The following SRL variants were observed in gnomAD, a reference collection of about 807,000 sequenced individuals.
The protein encoded by SRL is sarcalumenin.
In SRL, 23 loss-of-function variants were observed where a neutral mutation model predicts 39.5. That is an observed-to-expected ratio of 0.58 (90% CI 0.42 to 0.82). SRL has a LOEUF of 0.82. Ranked by LOEUF, SRL falls within the 40% of genes least tolerant of loss-of-function variation. SRL has a pLI of 0.00. For missense variants in SRL, 592 were observed against 607.8 expected (o/e 0.97, Z 0.27); for synonymous variants, 272 against 237.4 (o/e 1.15, Z -1.34).
chr16:4,237,643 A>G (rs540833374), intron 1 of SRL, among the ~76,000 whole-genome samples: 1 of 149,584 alleles, frequency 6.7e-6, no homozygotes, highest in East Asian at 2.0e-4. Flanking sequence ...CCGCCACCCC[A>G]CTTCCATCTG....
intron 1 of SRL, among the ~76,000 whole-genome samples, chr16:4,233,681 C>T (rs2052682950): frequency 6.6e-6 from 1 of 152,120 alleles, no homozygotes; most frequent in Non-Finnish European, 1.5e-5. Context: ...CAGGACCTCA[C>T]AGGGCTGACA....
At chr16:4,225,950 T>C (rs2052583244) in intron 1 of SRL, among the ~76,000 whole-genome samples, 1 of 152,088 alleles carries the variant, frequency 6.6e-6, no homozygotes, top group South Asian at 2.1e-4. Flanking sequence ...GTCCACTGTG[T>C]CCAGCCACTC....
intron 1 of SRL, among the ~76,000 whole-genome samples, chr16:4,237,804 G>T (rs1178358833): frequency 1.7e-4 from 26 of 151,926 alleles, no homozygotes. Flanking sequence ...TTTCTTCAAG[G>T]CCCAGCTCAA....
chr16:4,204,384 A>C, intron 2 of SRL, 149 bp downstream of exon 2: 1 of 131,122 alleles, frequency 7.6e-6, no homozygotes. Flanking sequence ...CTCTTCCCCA[A>C]CGTCCCCTCC....
chr16:4,219,783 C>T lies in SRL; in HGVS notation c.62-15149G>A, dbSNP rs569612061. Among the ~76,000 whole-genome samples, 6 of 152,056 alleles carry T rather than the reference C, an allele frequency of 3.9e-5. No individual in the cohort carries two copies. The South Asian group carries it at 1.2e-3, about 32-fold the overall frequency. On this transcript the variant is annotated intron_variant, in intron 1 of 5. Coordinates refer to ENST00000399609, the MANE Select transcript of SRL (RefSeq NM_001098814.2). Reference sequence around the variant, plus strand: ...GCCTGTATGGAGATTTTAGGAAGGACCCAGGGTGAGGGTTAGCTCCCTGCA... The same window carrying T: ...GCCTGTATGGAGATTTTAGGAAGGATCCAGGGTGAGGGTTAGCTCCCTGCA...
rs371874777 is a variant in SRL, at chr16:4,192,233, G to A, written c.1342C>T (p.Leu448Phe). Residue 448 changes from leucine to phenylalanine, a missense_variant, in exon 6 of 6, where the codon CTC becomes TTC. By Grantham distance (22) the Leu-to-Phe change is conservative (BLOSUM62 0). Coordinates refer to ENST00000399609, the MANE Select transcript of SRL (RefSeq NM_001098814.2). This position sits in a 1 kb window ranked among gnomAD's most constrained non-coding sequence, Gnocchi z 4.0. ...ELPGLLGSLG[L>F]GKNPGALNCD... ...TTGAGAGCACCTGGATTCTTCCCGAGCCCGAGGCTACCCAGGAGGCCCGGA... is the reference window on the plus strand; with the variant it reads ...TTGAGAGCACCTGGATTCTTCCCGAACCCGAGGCTACCCAGGAGGCCCGGA... The A allele has an allele frequency of 1.8e-5, 29 of 1,610,864 alleles. No individual in the cohort carries two copies. Among genetic ancestry groups the A allele is most frequent in the Non-Finnish European group, 2.4e-5 (28 of 1,178,868 alleles).
rs1364112792 is a variant in SRL at position 4,221,047 on chromosome 16, T to G, written c.62-16413A>C. Among the ~76,000 whole-genome samples, 3 of 144,764 alleles carry G rather than the reference T, an allele frequency of 2.1e-5. 1 individual carries two copies. Among genetic ancestry groups the G allele is most frequent in the Non-Finnish European group, 3.1e-5 (2 of 64,550 alleles). 95.0% of individuals were successfully genotyped at this position (144,764 alleles called of 152,430 possible). ...CTCATCGCCTGGGACCATGGGCTAT[T>G]CCATTATTTTTTTTTTTTCGATACG... On this transcript the variant is annotated intron_variant, in intron 1 of 5. Coordinates refer to ENST00000399609, the MANE Select transcript of SRL (RefSeq NM_001098814.2).
intron 1 of SRL, among the ~76,000 whole-genome samples, chr16:4,210,515 G>A (rs2052380309): frequency 3.2e-5 from 3 of 92,792 alleles, no homozygotes; most frequent in South Asian, 3.6e-4. Flanking sequence ...TTTGAGACAA[G>A]GTCTCACTCT....
At chr16:4,219,581 T>C (rs1389981801) in intron 1 of SRL, among the ~76,000 whole-genome samples, 3 of 152,116 alleles carry the variant, frequency 2.0e-5, no homozygotes, top group Non-Finnish European at 2.9e-5. Flanking sequence ...CCTCAGCCTG[T>C]TGAGTAGCTG....
chr16:4,203,928 C>T (rs1195863880), intron 2 of SRL, among the ~76,000 whole-genome samples: 3 of 152,216 alleles, frequency 2.0e-5, no homozygotes, highest in Non-Finnish European at 2.9e-5. Context: ...CCAGACACTC[C>T]CCGGAGGGGT....
chr16:4,217,399 G>A (rs1326659875), intron 1 of SRL, among the ~76,000 whole-genome samples: 4 of 152,272 alleles, frequency 2.6e-5, no homozygotes, highest in South Asian at 4.1e-4. Flanking sequence ...CTACAGGCAC[G>A]CGCCACCATG....
Position 4,190,654 on chromosome 16 carries a change from C to T in SRL, c.*1499G>A. The T allele has an allele frequency of 2.5e-6, 1 of 396,582 alleles. No individual in the cohort carries two copies. Among genetic ancestry groups the T allele is most frequent in the Non-Finnish European group, 4.4e-6 (1 of 225,118 alleles). The allele number at this position is 396,582 out of a possible 1,614,324, so 24.6% of individuals were successfully genotyped here. ...TAATCTCTCTTGGACAACATACACACATATTCACACTTATTGGTATTGAAG... is the reference window on the plus strand; with the variant it reads ...TAATCTCTCTTGGACAACATACACATATATTCACACTTATTGGTATTGAAG... On this transcript the variant is annotated 3_prime_UTR_variant, in exon 6 of 6. Transcript: ENST00000399609.
Position 4,190,647 on chromosome 16 carries a change from A to G in SRL, c.*1506T>C, listed in dbSNP as rs2052049350. ...ATCTCCCTAATCTCTCTTGGACAAC[A>G]TACACACATATTCACACTTATTGGT... On this transcript the variant is annotated 3_prime_UTR_variant, in exon 6 of 6. Coordinates refer to ENST00000399609, the MANE Select transcript of SRL (RefSeq NM_001098814.2). 1 of 396,798 alleles carries G rather than the reference A, an allele frequency of 2.5e-6. No individual in the cohort carries two copies. The highest frequency in any genetic ancestry group is 1.4e-4 in the South Asian group (1 of 7,012). The allele number at this position is 396,798 out of a possible 1,614,324, so 24.6% of individuals were successfully genotyped here.
intron 1 of SRL, among the ~76,000 whole-genome samples, chr16:4,223,253 A>G (rs1283482139): frequency 1.3e-5 from 2 of 151,668 alleles, no homozygotes; most frequent in African/African-American, 2.4e-5. Context: ...AAAAAAAGCA[A>G]AAAAGCAATT....
intron 1 of SRL, among the ~76,000 whole-genome samples, chr16:4,212,363 G>A (rs2052403763): frequency 6.6e-6 from 1 of 152,154 alleles, no homozygotes; most frequent in Non-Finnish European, 1.5e-5. Flanking sequence ...TGTGCCACTG[G>A]ACCCAGTTCT....
intron 1 of SRL, among the ~76,000 whole-genome samples, chr16:4,209,584 C>G (rs976070962): frequency 6.6e-6 from 1 of 152,176 alleles, no homozygotes; most frequent in African/African-American, 2.4e-5. Flanking sequence ...CTCAGGGTAC[C>G]CACCCTTGTT....
chr16:4,220,992 A>AC (rs1004033428), intron 1 of SRL, among the ~76,000 whole-genome samples: 8 of 150,906 alleles, frequency 5.3e-5, no homozygotes, highest in African/African-American at 1.5e-4. Context: ...CTCAAAAAAA[A>AC]CCCCACAAAT....
At chr16:4,214,140 TGAAACTAGA>T (rs1337652783) in intron 1 of SRL, among the ~76,000 whole-genome samples, 9 of 152,288 alleles carry the variant, frequency 5.9e-5, no homozygotes, top group Admixed American at 5.2e-4. Flanking sequence ...GTCTTGAAGT[TGAAACTAGA>T]GATGGAGAGA....
At chr16:4,240,164 T>A (rs1180929237) in intron 1 of SRL, among the ~76,000 whole-genome samples, 1 of 152,046 alleles carries the variant, frequency 6.6e-6, no homozygotes, top group Non-Finnish European at 1.5e-5. Flanking sequence ...AGCGAGAATA[T>A]CTGCCGCCAC....
Sources: allele counts gnomAD v4.1 joint callset (sites outside exome capture counted in the v4.1 genomes callset), GRCh38; gene constraint gnomAD v4.1.1; non-coding constraint Gnocchi (gnomAD v3.1); transcripts MANE v1.5; gene names NCBI Gene and HGNC (gene_info 2026-07-23, HGNC 2026-07-21).